Variants in RCBTB1 observed in about 807,000 individuals in gnomAD.
RCBTB1 encodes RCC1 and BTB domain containing protein 1, also known as RCC1 and BTB domain-containing protein 1.
Under a neutral mutation model 62.4 loss-of-function variants are expected in RCBTB1, and 46 were observed. That is an observed-to-expected ratio of 0.74 (90% confidence interval 0.58 to 0.94). The LOEUF is 0.94. Ranked by LOEUF, RCBTB1 falls within the 40% of genes least tolerant of loss-of-function variation. RCBTB1 has a pLI of 0.00. For synonymous variants in RCBTB1, 222 were observed against 245.8 expected, an observed-to-expected ratio of 0.90 and a Z score of 0.91; for missense variants, 565 against 654.9, an observed-to-expected ratio of 0.86 and a Z score of 1.50.
intron 8 of RCBTB1, 70 bp downstream of exon 8, chr13:49,551,256 C>A (rs1186686258): frequency 6.4e-7 from 1 of 1,553,402 alleles, no homozygotes; most frequent in East Asian, 2.3e-5. Context: ...CCAAACACCA[C>A]AGCTCTGCCA....
Position 49,545,621 on chromosome 13 carries a change from A to G in RCBTB1, c.1046-758T>C, listed in dbSNP as rs188056271. Among the ~76,000 whole-genome samples, 10 of 152,324 alleles carry G rather than the reference A, an allele frequency of 6.6e-5. No individual in the cohort carries two copies. The East Asian group carries it at 1.9e-3, about 29-fold the overall frequency. Reference sequence around the variant, plus strand: ...TTCCCGGAATGCTTTCTTGTGTTTTATATGTATGAAAGAAGAAAAGAAGCA... The same window carrying G: ...TTCCCGGAATGCTTTCTTGTGTTTTGTATGTATGAAAGAAGAAAAGAAGCA... On this transcript the variant is annotated intron_variant, in intron 9 of 12. Coordinates refer to ENST00000378302, the MANE Select transcript of RCBTB1 (RefSeq NM_018191.4).
chr13:49,560,119 A>G (rs758406575), intron 4 of RCBTB1, 35 bp from the exon 5 acceptor site: 4 of 1,603,196 alleles, frequency 2.5e-6, no homozygotes, highest in Admixed American at 3.5e-5. Context: ...ATCAGCTCCA[A>G]AAAGAAATAG....
chr13:49,540,492 C>A (rs1212903066), intron 12 of RCBTB1, among the ~76,000 whole-genome samples: 1 of 152,208 alleles, frequency 6.6e-6, no homozygotes, highest in Non-Finnish European at 1.5e-5. Flanking sequence ...ACATCCCCAG[C>A]TTATGACAGG....
At chr13:49,573,188 AAAC>A (rs2137356133) in intron 2 of RCBTB1, among the ~76,000 whole-genome samples, 1 of 152,332 alleles carries the variant, frequency 6.6e-6, no homozygotes, top group African/African-American at 2.4e-5. Flanking sequence ...CTATGTTATA[AAAC>A]AATATGTCCT....
Position 49,552,405 on chromosome 13 carries a change from C to G in RCBTB1, c.604-120G>C, listed in dbSNP as rs1594284275. ...TCCAACACCTATATTCTACTCTATG[C>G]TCCTGCAACTGATCTCCAAACAGAA... On this transcript the variant is annotated intron_variant, in intron 6 of 12. Coordinates refer to ENST00000378302, the MANE Select transcript of RCBTB1 (RefSeq NM_018191.4). The G allele has an allele frequency of 1.0e-5, 6 of 596,814 alleles. No individual in the cohort carries two copies. In the East Asian group the frequency reaches 1.7e-4, roughly 17 times the overall value. The allele number at this position is 596,814 out of a possible 1,614,324, so 37.0% of individuals were successfully genotyped here.
At chr13:49,565,274 C>T (rs1221251515) in intron 4 of RCBTB1, among the ~76,000 whole-genome samples, 1 of 152,214 alleles carries the variant, frequency 6.6e-6, no homozygotes, top group East Asian at 1.9e-4. Context: ...GCCTCGGCCT[C>T]CCGAGGTGCC....
intron 10 of RCBTB1, among the ~76,000 whole-genome samples, chr13:49,542,292 C>CA (rs1400879840): frequency 1.3e-5 from 2 of 151,908 alleles, no homozygotes; most frequent in Non-Finnish European, 2.9e-5. Flanking sequence ...AGTTAGCACC[C>CA]AAAAAACATT....
rs1959670135 is a variant in RCBTB1, at chr13:49,532,961, T to C, written c.*1161A>G. 1 of 152,190 alleles carries C rather than the reference T, an allele frequency of 6.6e-6. No individual in the cohort carries two copies. Among genetic ancestry groups the C allele is most frequent in the Non-Finnish European group, 1.5e-5 (1 of 68,024 alleles). The allele number at this position is 152,190 out of a possible 1,614,324, so 9.4% of individuals were successfully genotyped here. ...AGTCACCTTCCATAACCAGTTCAAATAAACTACTGTCTTTTAATAGGATCT... is the reference window on the plus strand; with the variant it reads ...AGTCACCTTCCATAACCAGTTCAAACAAACTACTGTCTTTTAATAGGATCT... On this transcript the variant is annotated 3_prime_UTR_variant, in exon 13 of 13. Coordinates refer to ENST00000378302, the MANE Select transcript of RCBTB1 (RefSeq NM_018191.4).
At chr13:49,546,455 GGGA>G (rs1316833975) in intron 9 of RCBTB1, 1 of 485,196 alleles carries the variant, frequency 2.1e-6, no homozygotes, top group African/African-American at 2.1e-5. Context: ...GACCGAGGCG[GGGA>G]GGAGGATGGT....
At chr13:49,560,505 G>A (rs568030688) in intron 4 of RCBTB1, among the ~76,000 whole-genome samples, 2 of 152,070 alleles carry the variant, frequency 1.3e-5, no homozygotes, top group Admixed American at 6.5e-5. Flanking sequence ...GTGGCTACTC[G>A]CTCACCAAGT....
chr13:49,546,721 G>A lies in RCBTB1; in HGVS notation c.1046-1858C>T, dbSNP rs111712004. ...ATGTGCAGTTCACAATAGGGCTTAC[G>A]CTTCTTTGAGAATCTAATACCGCTG... On this transcript the variant is annotated intron_variant, in intron 9 of 12. Transcript: ENST00000378302. Among the ~76,000 whole-genome samples, 1,517 of 152,238 alleles carry A rather than the reference G, an allele frequency of 1.0e-2. 15 individuals are homozygous for A. The highest frequency in any genetic ancestry group is 0.034 in the African/African-American group (1,425 of 41,528).
intron 2 of RCBTB1, among the ~76,000 whole-genome samples, chr13:49,574,668 C>T (rs1963648506): frequency 1.4e-5 from 2 of 143,446 alleles, no homozygotes; most frequent in African/African-American, 5.2e-5. Flanking sequence ...CTATAGAAAA[C>T]CAGATGGTGA....
chr13:49,570,490 G>C (rs1175342921), intron 2 of RCBTB1, among the ~76,000 whole-genome samples: 1 of 152,218 alleles, frequency 6.6e-6, no homozygotes, highest in African/African-American at 2.4e-5. Flanking sequence ...GGTAACAACA[G>C]AGTGCTGAGG....
chr13:49,565,094 C>A (rs994459700), intron 4 of RCBTB1, among the ~76,000 whole-genome samples: 1 of 152,166 alleles, frequency 6.6e-6, no homozygotes, highest in Non-Finnish European at 1.5e-5. Context: ...GCTGCCATCT[C>A]GGCTCACTGC....
intron 2 of RCBTB1, among the ~76,000 whole-genome samples, chr13:49,577,141 CT>C (rs1308186115): frequency 6.6e-6 from 1 of 152,180 alleles, no homozygotes; most frequent in African/African-American, 2.4e-5. Flanking sequence ...ACTTTATACT[CT>C]GAAAGCAAAT....
At chr13:49,542,906 T>C (rs980116179) in intron 10 of RCBTB1, among the ~76,000 whole-genome samples, 2 of 152,176 alleles carry the variant, frequency 1.3e-5, no homozygotes, top group Non-Finnish European at 1.5e-5. Context: ...TATAACACAG[T>C]TGTATCTTTC....
At chr13:49,568,302 C>T (rs1217912792) in intron 2 of RCBTB1, among the ~76,000 whole-genome samples, 1 of 152,202 alleles carries the variant, frequency 6.6e-6, no homozygotes, top group Non-Finnish European at 1.5e-5. Context: ...TACTGAGAGA[C>T]ATTTAAGTCA....
intron 2 of RCBTB1, among the ~76,000 whole-genome samples, chr13:49,575,340 T>C (rs1396004741): frequency 2.6e-5 from 4 of 152,056 alleles, no homozygotes; most frequent in Admixed American, 6.6e-5. Flanking sequence ...GGAAAGCAGT[T>C]TGGAGATTTC....
At position 49,559,980 on chromosome 13, in the gene RCBTB1, T is replaced by G; in HGVS notation, c.382A>C (p.Lys128Gln). Residue 128 changes from lysine to glutamine, a missense_variant, in exon 5 of 13, where the codon AAG (lysine) becomes CAG (glutamine). Coordinates refer to ENST00000378302, the MANE Select transcript of RCBTB1 (RefSeq NM_018191.4). ...CCACAAGCTACTTCCACCACTTGCTTGATCAAGAGATTGGTACAGACCTGG... is the reference window on the plus strand; with the variant it reads ...CCACAAGCTACTTCCACCACTTGCTGGATCAAGAGATTGGTACAGACCTGG... ...PVQVCTNLLI[K>Q]QVVEVACGSH... 1.2e-6 allele frequency: 2 copies of G among 1,614,172 alleles called. No homozygotes were observed. Among genetic ancestry groups the G allele is most frequent in the Non-Finnish European group, 1.7e-6 (2 of 1,180,020 alleles).
Sources: allele counts gnomAD v4.1 joint callset (sites outside exome capture counted in the v4.1 genomes callset), GRCh38; gene constraint gnomAD v4.1.1; transcripts MANE v1.5; gene names NCBI Gene and HGNC (gene_info 2026-07-23, HGNC 2026-07-21).